The following CHST9 variants were observed in gnomAD, a reference collection of about 807,000 sequenced individuals.
CHST9 encodes the protein GalNAc-4-sulfotransferase 2.
In CHST9, 41 loss-of-function variants were observed where a neutral mutation model predicts 44.4. That is an observed-to-expected ratio of 0.92 (90% CI 0.72 to 1.20). CHST9 has a LOEUF of 1.20. Ranked by LOEUF, CHST9 falls within the 50% of genes most tolerant of loss-of-function variation. The pLI is 0.00. For synonymous variants in CHST9, 171 were observed against 178.4 expected, an observed-to-expected ratio of 0.96 and a Z score of 0.33; for missense variants, 504 against 516.5, an observed-to-expected ratio of 0.98 and a Z score of 0.23.
intron 1 of CHST9, among the ~76,000 whole-genome samples, chr18:27,168,571 A>C (rs55963048): frequency 0.066 from 10,071 of 152,232 alleles, 422 homozygotes; most frequent in East Asian, 0.14. Context: ...GATACAGGGA[A>C]ATTTTTGAAG....
chr18:27,139,135 T>C (rs1193846934), intron 2 of CHST9, among the ~76,000 whole-genome samples: 2 of 152,152 alleles, frequency 1.3e-5, no homozygotes, highest in Non-Finnish European at 2.9e-5. Context: ...AGTATTTTAT[T>C]TTAATACGAA....
intron 2 of CHST9, among the ~76,000 whole-genome samples, chr18:27,133,235 A>G (rs1372733760): frequency 6.6e-6 from 1 of 152,214 alleles, no homozygotes; most frequent in African/African-American, 2.4e-5. Context: ...TATGTGCTCA[A>G]AACATGTTGG....
At chr18:27,162,411 T>G (rs1445953097) in intron 1 of CHST9, among the ~76,000 whole-genome samples, 1 of 152,154 alleles carries the variant, frequency 6.6e-6, no homozygotes, top group Non-Finnish European at 1.5e-5. Flanking sequence ...GAAAATTCTT[T>G]TCTTTAAGAA....
In CHST9 at chr18:26,916,518, T is replaced by TA; in HGVS notation, c.1072dup (p.Tyr358LeufsTer8). ...AAAATCATAGTTGATCAAACACGGA[T>TA]AGCAGAGTTTGCTGACCTTTTCCCA... is the stretch of plus-strand genomic sequence containing the variant. On this transcript the variant is annotated frameshift_variant, in exon 6 of 6. Transcript: ENST00000618847. LOFTEE classifies it high-confidence loss of function. The TA allele has an allele frequency of 6.2e-7, 1 of 1,613,866 alleles. No individual in the cohort carries two copies. Among genetic ancestry groups the TA allele is most frequent in the Non-Finnish European group, 8.5e-7 (1 of 1,179,778 alleles).
At chr18:26,925,010 T>C (rs1411374972) in intron 5 of CHST9, among the ~76,000 whole-genome samples, 1 of 152,082 alleles carries the variant, frequency 6.6e-6, no homozygotes, top group African/African-American at 2.4e-5. Context: ...CAAGACAGAC[T>C]TGGTCCCTGA....
intron 4 of CHST9, among the ~76,000 whole-genome samples, chr18:26,962,000 A>G (rs1215232167): frequency 6.6e-6 from 1 of 152,170 alleles, no homozygotes; most frequent in African/African-American, 2.4e-5. Context: ...AGGGAGACAC[A>G]CAGGACAGAT....
intron 4 of CHST9, among the ~76,000 whole-genome samples, chr18:26,949,713 A>T (rs1598586319): frequency 6.6e-6 from 1 of 152,206 alleles, no homozygotes; most frequent in Non-Finnish European, 1.5e-5. Flanking sequence ...GGGACCTTTC[A>T]TGACAAAGGG....
At chr18:27,100,907 G>T (rs1277789471) in intron 2 of CHST9, among the ~76,000 whole-genome samples, 1 of 152,150 alleles carries the variant, frequency 6.6e-6, no homozygotes, top group Non-Finnish European at 1.5e-5. Flanking sequence ...ATTGATTTTG[G>T]CATTTCCTAT....
At chr18:26,945,859 G>T (rs918678036) in intron 4 of CHST9, among the ~76,000 whole-genome samples, 2 of 152,152 alleles carry the variant, frequency 1.3e-5, no homozygotes, top group African/African-American at 2.4e-5. Flanking sequence ...TTCAAAAAAA[G>T]ATGTCCCAAG....
rs535724612 is a variant in CHST9 at position 26,917,202 on chromosome 18, T to A, written c.389A>T (p.Glu130Val). Residue 130 changes from glutamate (E) to valine (V), a missense_variant, in exon 6 of 6, where the codon GAG becomes GTG. By Grantham distance (121) the Glu-to-Val change is moderately radical. Coordinates refer to ENST00000618847, the MANE Select transcript of CHST9 (RefSeq NM_031422.6). ...ALSKSTGSPTEKLIEKRQGAK... is the reference protein window; with the variant it reads ...ALSKSTGSPTVKLIEKRQGAK... ...TCCTTGACGTTTTTCAATCAACTTCTCTGTTGGTGACCCTGTGGACTTACT... is the reference window on the plus strand; with the variant it reads ...TCCTTGACGTTTTTCAATCAACTTCACTGTTGGTGACCCTGTGGACTTACT... The A allele has an allele frequency of 1.2e-6, 2 of 1,613,974 alleles. No homozygotes were observed. The highest frequency in any genetic ancestry group is 1.7e-6 in the Non-Finnish European group (2 of 1,179,860).
intron 1 of CHST9, among the ~76,000 whole-genome samples, chr18:27,169,099 A>T (rs1285958297): frequency 6.6e-6 from 1 of 152,168 alleles, no homozygotes; most frequent in African/African-American, 2.4e-5. Context: ...GATGAGAATA[A>T]AACCCAGTCA....
At chr18:27,039,178 A>G (rs961965034) in intron 3 of CHST9, among the ~76,000 whole-genome samples, 3 of 152,164 alleles carry the variant, frequency 2.0e-5, no homozygotes, top group African/African-American at 7.2e-5. Flanking sequence ...GTATATACCA[A>G]AAAAATGGAA....
chr18:27,063,418 T>C (rs1042289996), intron 2 of CHST9, among the ~76,000 whole-genome samples: 6 of 152,194 alleles, frequency 3.9e-5, no homozygotes, highest in Non-Finnish European at 8.8e-5. Context: ...AAAATACAAA[T>C]AAATTAAATA....
In CHST9 at chr18:26,945,190, C is replaced by T. The variant is rs190586141; in HGVS notation, c.203-824G>A. On this transcript the variant is annotated intron_variant, in intron 4 of 5. Coordinates refer to ENST00000618847, the MANE Select transcript of CHST9 (RefSeq NM_031422.6). ...TTACAAACATTTTATTAAATGTGTC[C>T]CTTTTAAAAAAACAAACTTTAATTT... Among the ~76,000 whole-genome samples the T allele has an allele frequency of 4.7e-3, 708 of 151,950 alleles. 6 individuals are homozygous for T. The highest frequency in any genetic ancestry group is 8.3e-3 in the Non-Finnish European group (565 of 67,950).
At chr18:27,133,138 T>C (rs2143841229) in intron 2 of CHST9, among the ~76,000 whole-genome samples, 1 of 152,326 alleles carries the variant, frequency 6.6e-6, no homozygotes, top group African/African-American at 2.4e-5. Context: ...ATTGGCCAGG[T>C]ACCTGCCAAC....
At chr18:27,098,241 A>C (rs2058136669) in intron 2 of CHST9, among the ~76,000 whole-genome samples, 1 of 152,168 alleles carries the variant, frequency 6.6e-6, no homozygotes, top group Admixed American at 6.5e-5. Context: ...AGAAATGCAA[A>C]TCAAAACCAC....
chr18:26,948,251 G>A (rs2056194105), intron 4 of CHST9, among the ~76,000 whole-genome samples: 1 of 152,120 alleles, frequency 6.6e-6, no homozygotes, highest in Non-Finnish European at 1.5e-5. Context: ...CTTTCAGGGA[G>A]TGGGGGACCA....
chr18:27,012,733 C>T (rs1280009490), intron 4 of CHST9, among the ~76,000 whole-genome samples: 1 of 152,126 alleles, frequency 6.6e-6, no homozygotes, highest in Non-Finnish European at 1.5e-5. Context: ...ATGTAGTGAA[C>T]TTAGAACTCT....
chr18:27,164,795 C>T (rs941218962), intron 1 of CHST9, among the ~76,000 whole-genome samples: 1 of 152,138 alleles, frequency 6.6e-6, no homozygotes, highest in Admixed American at 6.5e-5. Context: ...ACACTGGAAT[C>T]TAGAATAAGG....
Sources: allele counts gnomAD v4.1 joint callset (sites outside exome capture counted in the v4.1 genomes callset), GRCh38; gene constraint gnomAD v4.1.1; transcripts MANE v1.5; gene names NCBI Gene and HGNC (gene_info 2026-07-23, HGNC 2026-07-21).